The following CADM2 variants were observed in gnomAD, a reference collection of about 807,000 sequenced individuals.
CADM2 encodes the protein cell adhesion molecule 2.
In CADM2, 12 loss-of-function variants were observed where a neutral mutation model predicts 49.8. The observed-to-expected ratio is 0.24, with a 90% CI of 0.15 to 0.39. CADM2 has a LOEUF of 0.39. CADM2 is among the 10% of genes least tolerant of loss of function. The probability of loss-of-function intolerance (pLI) is 1.00; values close to 1 mark genes in which losing one functional copy is unlikely to be tolerated. For synonymous variants in CADM2, 214 were observed against 175.4 expected, an observed-to-expected ratio of 1.22 and a Z score of -1.74; for missense variants, 378 against 492.3, an observed-to-expected ratio of 0.77 and a Z score of 2.20.
At chr3:86,030,284 C>T (rs1392014532) in intron 8 of CADM2, among the ~76,000 whole-genome samples, 1 of 151,930 alleles carries the variant, frequency 6.6e-6, no homozygotes, top group Non-Finnish European at 1.5e-5. Flanking sequence ...AGGCAACAGA[C>T]ATTTGTATGA....
At chr3:85,632,920 A>G (rs954970166) in intron 1 of CADM2, among the ~76,000 whole-genome samples, 2 of 152,102 alleles carry the variant, frequency 1.3e-5, no homozygotes, top group African/African-American at 4.8e-5. Flanking sequence ...TTAACAGAAT[A>G]GATTTTATCT....
At chr3:85,322,062 C>A (rs72903219) in intron 1 of CADM2, among the ~76,000 whole-genome samples, 4,531 of 152,084 alleles carry the variant, frequency 0.03, 243 homozygotes, top group African/African-American at 0.1. Context: ...TCTAGGGTAA[C>A]AAATGAAACA....
intron 8 of CADM2, among the ~76,000 whole-genome samples, chr3:85,963,575 T>G (rs1167895443): frequency 2.6e-5 from 4 of 151,930 alleles, no homozygotes; most frequent in Non-Finnish European, 5.9e-5. Flanking sequence ...GGGGATATGT[T>G]GTATAGCATG....
chr3:84,972,875 T>G (rs2031557948), intron 1 of CADM2, among the ~76,000 whole-genome samples: 1 of 152,246 alleles, frequency 6.6e-6, no homozygotes, highest in South Asian at 2.1e-4. Flanking sequence ...TCAAAATACA[T>G]AATTCCTTTC....
rs141684503 is a variant in CADM2 at position 84,996,621 on chromosome 3, G to A, written c.61+36953G>A. 9.3e-3 allele frequency among the ~76,000 whole-genome samples: 1,411 copies of A among 152,178 alleles called. 6 individuals carry two copies. Among genetic ancestry groups the A allele is most frequent in the Non-Finnish European group, 0.015 (1,028 of 67,936 alleles). The stretch of plus-strand genomic sequence containing the variant: ...CTTATTAATTAAAATCATGCTTTGT[G>A]TAATTTATCCATGTCTTTATAAGCT... On this transcript the variant is annotated intron_variant, in intron 1 of 9. Coordinates refer to ENST00000383699, the MANE Select transcript of CADM2 (RefSeq NM_001167675.2).
chr3:85,676,700 C>T (rs961638227), intron 1 of CADM2, among the ~76,000 whole-genome samples: 47 of 152,000 alleles, frequency 3.1e-4, no homozygotes, highest in Non-Finnish European at 1.0e-4. Flanking sequence ...AAAAAACATG[C>T]GTAATACTTC....
chr3:86,029,439 CA>C lies in CADM2; in HGVS notation c.971-36158del, dbSNP rs200677634. 1.6e-4 allele frequency among the ~76,000 whole-genome samples: 24 copies of C among 149,834 alleles called. No individual in the cohort carries two copies. The East Asian group carries it at 3.3e-3, about 21-fold the overall frequency. On this transcript the variant is annotated intron_variant, in intron 8 of 9. Coordinates refer to ENST00000383699, the MANE Select transcript of CADM2 (RefSeq NM_001167675.2). ...TTAATAGATCGTTATTTGTGGGGAA[CA>C]AAAAAAAGGAATGGTTTTGGGGGGA...
intron 1 of CADM2, among the ~76,000 whole-genome samples, chr3:85,204,244 T>G (rs373263430): frequency 3.1e-4 from 47 of 152,334 alleles, no homozygotes; most frequent in African/African-American, 1.1e-3. Flanking sequence ...CAGTTTAAAT[T>G]AATTTGTTGA....
At position 85,775,217 on chromosome 3, in the gene CADM2, C is replaced by A. The variant is rs567498514; in HGVS notation, c.89-26830C>A. ...TTAGTATCTAATGCAAGTTAAAACC[C>A]AAATTTCTAAAGCATACTCAATAGG... is the stretch of plus-strand genomic sequence containing the variant. On this transcript the variant is annotated intron_variant, in intron 2 of 9. Transcript: ENST00000383699. 1.7e-4 allele frequency among the ~76,000 whole-genome samples: 26 copies of A among 151,768 alleles called. No individual in the cohort carries two copies. The South Asian group carries it at 5.2e-3, about 30-fold the overall frequency.
chr3:85,942,501 C>A, intron 7 of CADM2, among the ~76,000 whole-genome samples: 1 of 125,254 alleles, frequency 8.0e-6, no homozygotes, highest in Non-Finnish European at 1.6e-5. Flanking sequence ...CACCCCACAA[C>A]AGTCCCCAGA....
chr3:85,979,057 T>G, intron 8 of CADM2: 1 of 1,263,310 alleles, frequency 7.9e-7, no homozygotes, highest in Non-Finnish European at 1.1e-6. Flanking sequence ...TTAAAGCTTG[T>G]TAAAGTTAAA....
intron 3 of CADM2, among the ~76,000 whole-genome samples, chr3:85,804,746 G>A (rs947306288): frequency 1.4e-4 from 21 of 152,054 alleles, no homozygotes; most frequent in Non-Finnish European, 2.8e-4. Flanking sequence ...TATCTTTCCT[G>A]GAGAAAACAG....
rs573341199 is a variant in CADM2, at chr3:86,020,566, A to G, written c.971-45039A>G. On this transcript the variant is annotated intron_variant, in intron 8 of 9. Transcript: ENST00000383699. Reference sequence around the variant, plus strand: ...GAATTTTAGACCAATATCCTTGATGAACATTGATGCAAAAATCCTCAATAA... The same window carrying G: ...GAATTTTAGACCAATATCCTTGATGGACATTGATGCAAAAATCCTCAATAA... Among the ~76,000 whole-genome samples the G allele has an allele frequency of 4.6e-3, 697 of 151,602 alleles. 5 individuals are homozygous for G. Among genetic ancestry groups the G allele is most frequent in the African/African-American group, 0.016 (644 of 41,380 alleles).
chr3:85,704,870 T>A (rs1188406362), intron 1 of CADM2, among the ~76,000 whole-genome samples: 2 of 150,606 alleles, frequency 1.3e-5, no homozygotes, highest in South Asian at 2.1e-4. Flanking sequence ...ATTATTATTT[T>A]TTTTTTTTGA....
chr3:85,885,718 G>A (rs1183935769), intron 4 of CADM2, among the ~76,000 whole-genome samples: 1 of 149,146 alleles, frequency 6.7e-6, no homozygotes, highest in African/African-American at 2.5e-5. Flanking sequence ...CGGGCATGGT[G>A]GTGCACACCT....
intron 1 of CADM2, among the ~76,000 whole-genome samples, chr3:85,281,570 G>C (rs1454984874): frequency 6.6e-6 from 1 of 151,992 alleles, no homozygotes; most frequent in Admixed American, 6.6e-5. Flanking sequence ...TTTTAAGCAA[G>C]TATGAGAAAA....
chr3:85,497,104 G>A (rs990321687), intron 1 of CADM2, among the ~76,000 whole-genome samples: 6 of 152,100 alleles, frequency 3.9e-5, no homozygotes, highest in African/African-American at 7.2e-5. Context: ...TTTGGCCTCC[G>A]AAGTGCTGGG....
At chr3:85,513,711 T>G (rs2060830441) in intron 1 of CADM2, among the ~76,000 whole-genome samples, 1 of 152,020 alleles carries the variant, frequency 6.6e-6, no homozygotes, top group African/African-American at 2.4e-5. Context: ...CTTTACTTAA[T>G]GTAAGCATTC....
intron 1 of CADM2, among the ~76,000 whole-genome samples, chr3:85,711,159 T>G (rs1273255809): frequency 6.6e-6 from 1 of 152,164 alleles, no homozygotes; most frequent in East Asian, 1.9e-4. Context: ...GCAAACATTT[T>G]CTTTGTGAAT....
Sources: allele counts gnomAD v4.1 joint callset (sites outside exome capture counted in the v4.1 genomes callset), GRCh38; gene constraint gnomAD v4.1.1; transcripts MANE v1.5; gene names NCBI Gene and HGNC (gene_info 2026-07-23, HGNC 2026-07-21).